The following CPA6 variants were observed in gnomAD, a reference collection of about 807,000 sequenced individuals.
CPA6 encodes carboxypeptidase A6.
CPA6 carries 58 observed loss-of-function variants against 63.3 expected under a neutral mutation model. The observed-to-expected ratio is 0.92, with a 90% CI of 0.74 to 1.14. CPA6 has a LOEUF of 1.14. Among genes scored for constraint, CPA6 ranks in the 50% most tolerant of loss-of-function variants. The probability of loss-of-function intolerance (pLI) is 0.00; values close to 1 mark genes in which losing one functional copy is unlikely to be tolerated. For synonymous variants in CPA6, 185 were observed against 179.0 expected (o/e 1.03, Z -0.27); for missense variants, 565 against 526.6 (o/e 1.07, Z -0.71).
chr8:67,478,382 G>A (rs1811287705), intron 8 of CPA6, among the ~76,000 whole-genome samples: 1 of 152,134 alleles, frequency 6.6e-6, no homozygotes, highest in South Asian at 2.1e-4. Context: ...AATCATTGTA[G>A]CAGATCGAAT....
At chr8:67,616,254 G>A (rs1814945184) in intron 2 of CPA6, among the ~76,000 whole-genome samples, 1 of 152,116 alleles carries the variant, frequency 6.6e-6, no homozygotes, top group African/African-American at 2.4e-5. Context: ...TGTTGACTAT[G>A]GTGAACACTT....
intron 2 of CPA6, among the ~76,000 whole-genome samples, chr8:67,577,670 A>C (rs751038648): frequency 5.3e-5 from 8 of 152,232 alleles, no homozygotes; most frequent in Non-Finnish European, 7.3e-5. Flanking sequence ...GCATGAGTTA[A>C]CTTTAACCTG....
intron 1 of CPA6, among the ~76,000 whole-genome samples, chr8:67,728,548 T>C (rs542928258): frequency 6.9e-4 from 105 of 152,348 alleles, no homozygotes; most frequent in African/African-American, 2.4e-3. Flanking sequence ...ACTAAATAAA[T>C]TGATAACAAA....
At chr8:67,450,879 A>T (rs1433843893) in intron 8 of CPA6, among the ~76,000 whole-genome samples, 1 of 152,230 alleles carries the variant, frequency 6.6e-6, no homozygotes, top group African/African-American at 2.4e-5. Flanking sequence ...AGAGTGGCAG[A>T]GTAGAGAATA....
At position 67,624,230 on chromosome 8, in the gene CPA6, A is replaced by C; in HGVS notation, c.138T>G (p.Ile46Met). The change falls in exon 2 of 11, where the codon ATT becomes ATG. Residue 46 changes from isoleucine to methionine, a missense_variant. Physicochemically the swap from Ile to Met is conservative, Grantham distance 10. Transcript: ENST00000297770. ...RYAGDKVIRFIPKTEEEAYAL... is the reference protein window; with the variant it reads ...RYAGDKVIRFMPKTEEEAYAL... Reference sequence around the variant, plus strand: ...CATATGCTTCCTCTTCTGTTTTGGGAATAAATCTTATCACTTTATCACTAC... The same window carrying C: ...CATATGCTTCCTCTTCTGTTTTGGGCATAAATCTTATCACTTTATCACTAC... 6.5e-7 allele frequency: 1 copy of C among 1,538,836 alleles called. No individual in the cohort carries two copies. Among genetic ancestry groups the C allele is most frequent in the Non-Finnish European group, 9.0e-7 (1 of 1,115,066 alleles).
chr8:67,634,400 A>C (rs1004310028), intron 1 of CPA6, among the ~76,000 whole-genome samples: 1 of 150,854 alleles, frequency 6.6e-6, no homozygotes, highest in African/African-American at 2.5e-5. Flanking sequence ...TTGTATTTTT[A>C]GTGGAGACGG....
intron 6 of CPA6, among the ~76,000 whole-genome samples, chr8:67,499,253 C>T (rs1417405810): frequency 6.6e-6 from 1 of 152,124 alleles, no homozygotes; most frequent in Non-Finnish European, 1.5e-5. Context: ...GAGCCAGAGC[C>T]CCCCTTGATA....
chr8:67,733,047 T>C (rs1817738257), intron 1 of CPA6, among the ~76,000 whole-genome samples: 1 of 151,378 alleles, frequency 6.6e-6, no homozygotes, highest in South Asian at 2.1e-4. Context: ...ATACAAAAAA[T>C]TAGCCAGGTG....
chr8:67,466,509 G>A (rs1199643396), intron 8 of CPA6, among the ~76,000 whole-genome samples: 1 of 152,120 alleles, frequency 6.6e-6, no homozygotes, highest in African/African-American at 2.4e-5. Context: ...TAGCTTTGAA[G>A]TTAGTTTTGT....
chr8:67,508,924 C>T (rs969538447), intron 5 of CPA6, among the ~76,000 whole-genome samples: 6 of 152,034 alleles, frequency 3.9e-5, no homozygotes, highest in African/African-American at 1.5e-4. Flanking sequence ...GTTTAATTGG[C>T]TCACAGTTCC....
intron 2 of CPA6, among the ~76,000 whole-genome samples, chr8:67,533,344 G>C (rs1357256911): frequency 6.6e-6 from 1 of 152,194 alleles, no homozygotes; most frequent in Non-Finnish European, 1.5e-5. Context: ...TAACTGTTAA[G>C]AGATTAAAAA....
chr8:67,557,871 C>T (rs141300737), intron 2 of CPA6, among the ~76,000 whole-genome samples: 1 of 152,262 alleles, frequency 6.6e-6, no homozygotes, highest in East Asian at 1.9e-4. Flanking sequence ...ATTTTCAATA[C>T]TGATTTTGTG....
chr8:67,610,141 G>A (rs1453120250), intron 2 of CPA6, among the ~76,000 whole-genome samples: 2 of 152,218 alleles, frequency 1.3e-5, no homozygotes, highest in East Asian at 1.9e-4. Context: ...TCAGGAGGCT[G>A]AGGCAGGAGG....
chr8:67,428,776 C>G (rs1044688293), intron 9 of CPA6, among the ~76,000 whole-genome samples: 1 of 152,196 alleles, frequency 6.6e-6, no homozygotes, highest in Non-Finnish European at 1.5e-5. Flanking sequence ...AGTCACCGCA[C>G]CCGGCCAGGG....
chr8:67,731,589 T>G (rs1587735617), intron 1 of CPA6, among the ~76,000 whole-genome samples: 1 of 152,364 alleles, frequency 6.6e-6, no homozygotes, highest in East Asian at 1.9e-4. Flanking sequence ...ATCAACTTTA[T>G]TTGATCAACT....
intron 2 of CPA6, among the ~76,000 whole-genome samples, chr8:67,573,891 C>CAA (rs34145304): frequency 0.018 from 608 of 33,480 alleles, 81 homozygotes; most frequent in African/African-American, 0.048. Context: ...GACTCCGTCT[C>CAA]AAAAAAAAAA....
chr8:67,530,926 T>A (rs898681766), intron 2 of CPA6, among the ~76,000 whole-genome samples: 1 of 152,170 alleles, frequency 6.6e-6, no homozygotes, highest in Non-Finnish European at 1.5e-5. Context: ...AGTTCTTATA[T>A]CTAACCTTGC....
At chr8:67,646,937 A>G (rs1815726731) in intron 1 of CPA6, among the ~76,000 whole-genome samples, 1 of 152,222 alleles carries the variant, frequency 6.6e-6, no homozygotes, top group Admixed American at 6.5e-5. Context: ...TTCTTAGCAC[A>G]ATGAAAGCTC....
intron 1 of CPA6, among the ~76,000 whole-genome samples, chr8:67,722,977 C>T (rs372993453): frequency 2.6e-5 from 4 of 151,804 alleles, no homozygotes; most frequent in African/African-American, 7.3e-5. Flanking sequence ...CCTAAACATA[C>T]ACTAAAACAT....
Sources: allele counts gnomAD v4.1 joint callset (sites outside exome capture counted in the v4.1 genomes callset), GRCh38; gene constraint gnomAD v4.1.1; transcripts MANE v1.5; gene names NCBI Gene and HGNC (gene_info 2026-07-23, HGNC 2026-07-21).